Variants in VTCN1 observed in about 807,000 individuals in gnomAD.
VTCN1 encodes V-set domain-containing T-cell activation inhibitor 1.
Under a neutral mutation model 26.5 loss-of-function variants are expected in VTCN1, and 26 were observed. The observed-to-expected ratio is 0.98, with a 90% CI of 0.72 to 1.36. VTCN1 has a LOEUF of 1.36. VTCN1 is among the 40% of genes most tolerant of loss of function. VTCN1 has a pLI of 0.00. For missense variants in VTCN1, 298 were observed against 337.7 expected, an observed-to-expected ratio of 0.88 and a Z score of 0.92; for synonymous variants, 116 against 130.7, an observed-to-expected ratio of 0.89 and a Z score of 0.77.
In VTCN1 at chr1:117,183,388, T is replaced by C. The variant is rs1020792969; in HGVS notation, c.33-13217A>G. 6.6e-6 allele frequency among the ~76,000 whole-genome samples: 1 copy of C among 152,252 alleles called. No individual in the cohort carries two copies. The highest frequency in any genetic ancestry group is 1.5e-5 in the Non-Finnish European group (1 of 68,046). ...AATGAATAAATAAATATCCATGCTG[T>C]GCTACTGAGAGAAACTAACACATTC... is the stretch of plus-strand genomic sequence containing the variant. On this transcript the variant is annotated intron_variant, in intron 1 of 5. Transcript: ENST00000369458. The surrounding 1 kb of genome is among the most constrained non-coding windows in gnomAD (Gnocchi z 4.1).
At chr1:117,205,078 CATGTATATGTATGT>C (rs142980963) in intron 1 of VTCN1, among the ~76,000 whole-genome samples, 123,611 of 144,328 alleles carry the variant, frequency 0.86, 54,479 homozygotes, top group Non-Finnish European at 0.96. Flanking sequence ...TGTATATGTA[CATGTATATGTATGT>C]ATGTATATGT....
At chr1:117,153,039 T>A in intron 4 of VTCN1, 52 bp downstream of exon 4, 1 of 1,549,490 alleles carries the variant, frequency 6.5e-7, no homozygotes, top group Non-Finnish European at 8.7e-7. Context: ...AATTTTAATT[T>A]AGATTTTACT....
At chr1:117,186,211 T>C (rs1297470888) in intron 1 of VTCN1, among the ~76,000 whole-genome samples, 2 of 152,364 alleles carry the variant, frequency 1.3e-5, no homozygotes, top group African/African-American at 2.4e-5. Context: ...TTTGGCTTCA[T>C]AGCTATTCGA....
At chr1:117,182,503 C>T (rs1320887128) in intron 1 of VTCN1, among the ~76,000 whole-genome samples, 3 of 152,180 alleles carry the variant, frequency 2.0e-5, no homozygotes, top group Non-Finnish European at 4.4e-5. Flanking sequence ...CGGCTGCAGC[C>T]CCTGCGGCTG....
rs1232819801 is a variant in VTCN1, at chr1:117,190,626, T to C, written c.32+20198A>G. ...AAATCTAGGACTCCTCCAGACAGGA[T>C]CCATATCTGCCCAAGCCACTGGTAA... On this transcript the variant is annotated intron_variant, in intron 1 of 5. Coordinates refer to ENST00000369458, the MANE Select transcript of VTCN1 (RefSeq NM_024626.4). 1.3e-5 allele frequency among the ~76,000 whole-genome samples: 2 copies of C among 152,170 alleles called. 1 individual carries two copies. Among genetic ancestry groups the C allele is most frequent in the East Asian group, 3.8e-4 (2 of 5,204 alleles).
In VTCN1 at chr1:117,147,919, C is replaced by T; in HGVS notation, c.725-137G>A. On this transcript the variant is annotated intron_variant, in intron 4 of 5. Transcript: ENST00000369458. The surrounding 1 kb of genome is among the most constrained non-coding windows in gnomAD (Gnocchi z 4.6). ...TCAGGCAATTTTTTACCCCTTTGCC[C>T]ACCTCTCCGTAACTGGCTTAAAAGT... 8.8e-7 allele frequency: 1 copy of T among 1,134,500 alleles called. No homozygotes were observed. Among genetic ancestry groups the T allele is most frequent in the South Asian group, 1.6e-5 (1 of 63,432 alleles). The allele number at this position is 1,134,500 out of a possible 1,614,324, so 70.3% of individuals were successfully genotyped here.
At chr1:117,181,958 T>C (rs1647692662) in intron 1 of VTCN1, among the ~76,000 whole-genome samples, 1 of 152,182 alleles carries the variant, frequency 6.6e-6, no homozygotes, top group African/African-American at 2.4e-5. Context: ...AAAGCCACCG[T>C]GACTGTTTTG....
chr1:117,201,642 C>T (rs76588132), intron 1 of VTCN1, among the ~76,000 whole-genome samples: 1,981 of 152,260 alleles, frequency 0.013, 45 homozygotes, highest in African/African-American at 0.045. Flanking sequence ...TGGGGAAGCA[C>T]CCACAGAGCT....
At position 117,146,078 on chromosome 1, in the gene VTCN1, G is replaced by A. The variant is rs906567783; in HGVS notation, c.*46-853C>T. 3.9e-5 allele frequency among the ~76,000 whole-genome samples: 6 copies of A among 152,276 alleles called. No homozygotes were observed. Among genetic ancestry groups the A allele is most frequent in the South Asian group, 2.1e-4 (1 of 4,822 alleles). ...GAACATTATCCATTAGATGTATGTC[G>A]TGGATATTTTTTTAAAGCTGTAAAT... On this transcript the variant is annotated intron_variant, in intron 5 of 5. Coordinates refer to ENST00000369458, the MANE Select transcript of VTCN1 (RefSeq NM_024626.4). The surrounding 1 kb of genome is among the most constrained non-coding windows in gnomAD (Gnocchi z 4.2).
At chr1:117,188,947 CT>C (rs1213937684) in intron 1 of VTCN1, among the ~76,000 whole-genome samples, 1 of 152,188 alleles carries the variant, frequency 6.6e-6, no homozygotes, top group Non-Finnish European at 1.5e-5. Context: ...AGTTTTCTAA[CT>C]CCAGAGATAC....
chr1:117,188,198 T>G (rs1458495737), intron 1 of VTCN1, among the ~76,000 whole-genome samples: 1 of 152,208 alleles, frequency 6.6e-6, no homozygotes, highest in African/African-American at 2.4e-5. Context: ...AAATTCAATA[T>G]GATCTAGAAC....
intron 2 of VTCN1, among the ~76,000 whole-genome samples, chr1:117,158,221 G>A (rs937232965): frequency 6.6e-6 from 1 of 152,206 alleles, no homozygotes; most frequent in Non-Finnish European, 1.5e-5. Context: ...GGGACTTTGT[G>A]TTGGGGCTCC....
At chr1:117,172,161 C>G (rs1013692872) in intron 1 of VTCN1, among the ~76,000 whole-genome samples, 1 of 152,138 alleles carries the variant, frequency 6.6e-6, no homozygotes, top group Non-Finnish European at 1.5e-5. Flanking sequence ...CACAGGGAGG[C>G]AAAGAACGAT....
chr1:117,190,812 A>G (rs1003312379), intron 1 of VTCN1, among the ~76,000 whole-genome samples: 1 of 152,234 alleles, frequency 6.6e-6, no homozygotes, highest in Non-Finnish European at 1.5e-5. Flanking sequence ...TCTAAAACAG[A>G]TGTTTGGTCC....
At chr1:117,149,842 C>T (rs192092249) in intron 4 of VTCN1, among the ~76,000 whole-genome samples, 76 of 152,310 alleles carry the variant, frequency 5.0e-4, no homozygotes, top group African/African-American at 1.7e-3. Flanking sequence ...GGAGCACCTA[C>T]TTTGTCTACA....
At chr1:117,157,007 G>A (rs1323812529) in intron 2 of VTCN1, 86 bp from the exon 3 acceptor site, 2 of 1,605,954 alleles carry the variant, frequency 1.2e-6, no homozygotes, top group South Asian at 1.1e-5. Flanking sequence ...GCCAGACAGA[G>A]ACTTCTGTGA....
intron 1 of VTCN1, among the ~76,000 whole-genome samples, chr1:117,206,083 G>A (rs1204619104): frequency 6.6e-6 from 1 of 151,968 alleles, no homozygotes; most frequent in Non-Finnish European, 1.5e-5. Context: ...AGCATCCTCA[G>A]GTTTAGAGAA....
intron 4 of VTCN1, among the ~76,000 whole-genome samples, chr1:117,149,359 C>T (rs60324763): frequency 0.11 from 16,603 of 151,436 alleles, 1,327 homozygotes; most frequent in African/African-American, 0.22. Context: ...ATCAAACCCA[C>T]TTTGACTTGT....
At position 117,155,437 on chromosome 1, in the gene VTCN1, G is replaced by A. The variant is rs1393406158; in HGVS notation, c.445+1137C>T. Among the ~76,000 whole-genome samples, 3 of 152,240 alleles carry A rather than the reference G, an allele frequency of 2.0e-5. 1 individual carries two copies. The highest frequency in any genetic ancestry group is 2.0e-4 in the Admixed American group (3 of 15,294). On this transcript the variant is annotated intron_variant, in intron 3 of 5. Coordinates refer to ENST00000369458, the MANE Select transcript of VTCN1 (RefSeq NM_024626.4). This position sits in a 1 kb window ranked among gnomAD's most constrained non-coding sequence, Gnocchi z 4.8. ...TGGAATTCATCTGTAAGGGGAATTTGTTTCATATCCCTCATTTATTTAAAT... is the reference window on the plus strand; with the variant it reads ...TGGAATTCATCTGTAAGGGGAATTTATTTCATATCCCTCATTTATTTAAAT...
Sources: allele counts gnomAD v4.1 joint callset (sites outside exome capture counted in the v4.1 genomes callset), GRCh38; gene constraint gnomAD v4.1.1; non-coding constraint Gnocchi (gnomAD v3.1); transcripts MANE v1.5; gene names NCBI Gene and HGNC (gene_info 2026-07-23, HGNC 2026-07-21).